LRRC4C: variants seen among roughly 807,000 people sequenced by gnomAD.
The protein encoded by LRRC4C is leucine-rich repeat-containing protein 4C.
A neutral mutation model predicts 33.6 loss-of-function variants in LRRC4C; 5 were observed. The observed-to-expected ratio is 0.15, with a 90% CI of 0.08 to 0.31. The LOEUF is 0.31. Ranked by LOEUF, LRRC4C falls within the 10% of genes least tolerant of loss-of-function variation. The pLI, the probability that LRRC4C is intolerant of heterozygous loss-of-function variation, is 1.00. For synonymous variants in LRRC4C, 329 were observed against 302.0 expected, an observed-to-expected ratio of 1.09 and a Z score of -0.93; for missense variants, 560 against 796.7, an observed-to-expected ratio of 0.70 and a Z score of 3.58.
At chr11:40,219,530 G>T (rs184348557) in intron 5 of LRRC4C, among the ~76,000 whole-genome samples, 8 of 152,098 alleles carry the variant, frequency 5.3e-5, no homozygotes, top group Non-Finnish European at 1.0e-4. Flanking sequence ...TAAATTGATT[G>T]AAACATAACC....
At chr11:40,840,973 C>A (rs1338991133) in intron 2 of LRRC4C, among the ~76,000 whole-genome samples, 2 of 152,050 alleles carry the variant, frequency 1.3e-5, no homozygotes, top group East Asian at 3.9e-4. Flanking sequence ...AACAACTTTC[C>A]CACTTTTACA....
chr11:40,774,649 T>C (rs993557598), intron 2 of LRRC4C, among the ~76,000 whole-genome samples: 2 of 152,162 alleles, frequency 1.3e-5, no homozygotes, highest in Admixed American at 1.3e-4. Context: ...CATAAGCAGG[T>C]AATTTGTTGA....
At chr11:40,888,789 CAT>C (rs1282997997) in intron 2 of LRRC4C, among the ~76,000 whole-genome samples, 1 of 151,932 alleles carries the variant, frequency 6.6e-6, no homozygotes, top group Non-Finnish European at 1.5e-5. Context: ...TGAAGGTTCT[CAT>C]GTGTACATTT....
At chr11:41,443,329 G>A (rs1028012862) in intron 1 of LRRC4C, among the ~76,000 whole-genome samples, 12 of 151,798 alleles carry the variant, frequency 7.9e-5, no homozygotes, top group South Asian at 4.2e-4. Context: ...GCAACGCAGC[G>A]CAACCCCATT....
At chr11:40,591,905 C>G (rs1221585504) in intron 3 of LRRC4C, among the ~76,000 whole-genome samples, 1 of 152,198 alleles carries the variant, frequency 6.6e-6, no homozygotes, top group Non-Finnish European at 1.5e-5. Context: ...GACTGTATAA[C>G]TGTAACCAAT....
chr11:41,121,305 C>T (rs12293450), intron 1 of LRRC4C, among the ~76,000 whole-genome samples: 28,778 of 151,982 alleles, frequency 0.19, 3,393 homozygotes, highest in East Asian at 0.37. Context: ...AAAGCTATAA[C>T]GTTTATATAT....
At chr11:40,143,882 T>A (rs1328514141) in intron 5 of LRRC4C, among the ~76,000 whole-genome samples, 2 of 152,164 alleles carry the variant, frequency 1.3e-5, no homozygotes, top group East Asian at 1.9e-4. Flanking sequence ...AGTAGCCCCA[T>A]TTTATAGGTG....
intron 2 of LRRC4C, among the ~76,000 whole-genome samples, chr11:40,773,365 T>A (rs1949841245): frequency 6.6e-6 from 1 of 152,082 alleles, no homozygotes; most frequent in African/African-American, 2.4e-5. Flanking sequence ...ATAACAGAAA[T>A]TTTTTAACAG....
chr11:40,503,483 T>C (rs1954878618), intron 3 of LRRC4C, among the ~76,000 whole-genome samples: 1 of 152,210 alleles, frequency 6.6e-6, no homozygotes, highest in African/African-American at 2.4e-5. Flanking sequence ...AGCTGGTTAC[T>C]GTGAAACCCT....
chr11:40,927,716 A>G (rs1250029025), intron 2 of LRRC4C, among the ~76,000 whole-genome samples: 1 of 151,898 alleles, frequency 6.6e-6, no homozygotes, highest in African/African-American at 2.4e-5. Context: ...GATTAATAGC[A>G]AAGGGCATAT....
At chr11:40,528,188 A>G (rs1956133176) in intron 3 of LRRC4C, among the ~76,000 whole-genome samples, 1 of 152,216 alleles carries the variant, frequency 6.6e-6, no homozygotes. Context: ...ATGGAACTCT[A>G]TCAAACTAAA....
At chr11:40,833,056 A>C (rs1029006809) in intron 2 of LRRC4C, among the ~76,000 whole-genome samples, 2 of 152,166 alleles carry the variant, frequency 1.3e-5, no homozygotes, top group African/African-American at 2.4e-5. Context: ...TGGCTTTTTA[A>C]TCTTAGTTAA....
intron 2 of LRRC4C, among the ~76,000 whole-genome samples, chr11:40,831,838 A>G (rs1048300997): frequency 6.6e-6 from 1 of 152,100 alleles, no homozygotes; most frequent in Non-Finnish European, 1.5e-5. Context: ...ACCTGCCCCC[A>G]TGATTCAGTT....
At chr11:40,520,746 A>G (rs1487124164) in intron 3 of LRRC4C, among the ~76,000 whole-genome samples, 1 of 152,200 alleles carries the variant, frequency 6.6e-6, no homozygotes, top group African/African-American at 2.4e-5. Flanking sequence ...TGGACACAGG[A>G]TTACCACAAA....
chr11:40,346,918 C>T (rs751980288), intron 3 of LRRC4C, among the ~76,000 whole-genome samples: 6 of 152,156 alleles, frequency 3.9e-5, no homozygotes, highest in Non-Finnish European at 8.8e-5. Flanking sequence ...TAATGAAGCA[C>T]AGGCAGAGTG....
chr11:40,996,812 C>T (rs1384266235), intron 1 of LRRC4C, among the ~76,000 whole-genome samples: 2 of 151,968 alleles, frequency 1.3e-5, no homozygotes, highest in African/African-American at 4.8e-5. Flanking sequence ...TTTAAAATGG[C>T]CAGCTCTCTC....
At chr11:40,157,356 AT>A (rs1458899586) in intron 5 of LRRC4C, among the ~76,000 whole-genome samples, 1 of 152,198 alleles carries the variant, frequency 6.6e-6, no homozygotes, top group African/African-American at 2.4e-5. Context: ...TTAGGCAAGG[AT>A]TTCATAACCA....
chr11:40,548,988 A>G (rs925174980), intron 3 of LRRC4C, among the ~76,000 whole-genome samples: 1 of 152,106 alleles, frequency 6.6e-6, no homozygotes, highest in East Asian at 1.9e-4. Context: ...TTGAATTCCT[A>G]TATTCTTTAC....
chr11:40,816,219 C>T (rs2135425540), intron 2 of LRRC4C, among the ~76,000 whole-genome samples: 2 of 152,240 alleles, frequency 1.3e-5, no homozygotes, highest in Middle Eastern at 6.8e-3. Flanking sequence ...AATTCTAGGC[C>T]ACTAGAGGTT....
Sources: gnomAD v4.1 joint callset for allele counts (sites outside exome capture counted in the v4.1 genomes callset) on GRCh38, gnomAD v4.1.1 for gene constraint, MANE v1.5 for transcripts, NCBI Gene and HGNC (gene_info 2026-07-23, HGNC 2026-07-21) for gene names.